The following MORC1 variants were observed in gnomAD, a reference collection of about 807,000 sequenced individuals.
The protein encoded by MORC1 is MORC family CW-type zinc finger protein 1.
In MORC1, 59 loss-of-function variants were observed where a neutral mutation model predicts 134.9. That is an observed-to-expected ratio of 0.44 (90% CI 0.35 to 0.54). MORC1 has a LOEUF of 0.54. Ranked by LOEUF, MORC1 falls within the 20% of genes least tolerant of loss-of-function variation. MORC1 has a pLI of 0.00. For missense variants in MORC1, 947 were observed against 1,134.5 expected, an observed-to-expected ratio of 0.83 and a Z score of 2.37; for synonymous variants, 395 against 391.7, an observed-to-expected ratio of 1.01 and a Z score of -0.10.
At chr3:109,091,435 C>G (rs1002452795) in intron 8 of MORC1, among the ~76,000 whole-genome samples, 2 of 106,306 alleles carry the variant, frequency 1.9e-5, no homozygotes, top group Non-Finnish European at 4.0e-5. Flanking sequence ...CAGGGTGAGA[C>G]TCCATCTAAA....
chr3:109,001,095 T>C (rs1391175981), intron 20 of MORC1, among the ~76,000 whole-genome samples: 4 of 152,168 alleles, frequency 2.6e-5, no homozygotes, highest in Non-Finnish European at 4.4e-5. Context: ...TTCTTAAAGA[T>C]ATAATGTCTT....
intron 14 of MORC1, among the ~76,000 whole-genome samples, chr3:109,047,748 T>C (rs559307884): frequency 1.4e-4 from 22 of 152,314 alleles, no homozygotes; most frequent in African/African-American, 5.3e-4. Flanking sequence ...AGCAATTCTT[T>C]AGCAGTATAG....
At chr3:109,114,304 C>A in intron 2 of MORC1, 80 bp downstream of exon 2, 1 of 1,248,446 alleles carries the variant, frequency 8.0e-7, no homozygotes, top group East Asian at 2.5e-5. Flanking sequence ...ATGACATGAT[C>A]TTTTTATCTT....
chr3:109,106,551 C>G (rs1267633298), intron 3 of MORC1, among the ~76,000 whole-genome samples: 1 of 152,164 alleles, frequency 6.6e-6, no homozygotes, highest in Admixed American at 6.5e-5. Flanking sequence ...CACCTCCTCC[C>G]ACGTTAGACT....
chr3:108,997,009 CAAAAAAAAAAAAA>C (rs36087713), intron 21 of MORC1, among the ~76,000 whole-genome samples: 1 of 31,560 alleles, frequency 3.2e-5, no homozygotes, highest in South Asian at 2.2e-3. Context: ...GACTCTGTCT[CAAAAAAAAAAAAA>C]AAAAAAAAAA....
intron 16 of MORC1, among the ~76,000 whole-genome samples, chr3:109,030,706 C>T (rs1949221957): frequency 1.3e-5 from 2 of 152,142 alleles, no homozygotes; most frequent in Non-Finnish European, 2.9e-5. Flanking sequence ...TTTATCTAGC[C>T]ACTCATCACA....
intron 2 of MORC1, among the ~76,000 whole-genome samples, chr3:109,111,732 T>C (rs1951172509): frequency 6.6e-6 from 1 of 152,176 alleles, no homozygotes; most frequent in Non-Finnish European, 1.5e-5. Flanking sequence ...ACAGCAACTA[T>C]GTAACTCTGG....
intron 6 of MORC1, among the ~76,000 whole-genome samples, chr3:109,097,218 A>T (rs1265698040): frequency 6.6e-6 from 1 of 152,246 alleles, no homozygotes; most frequent in Non-Finnish European, 1.5e-5. Context: ...TGGGTCACAT[A>T]TAAGATTAAG....
chr3:108,976,538 A>T (rs1011670629), intron 24 of MORC1, among the ~76,000 whole-genome samples: 1 of 152,218 alleles, frequency 6.6e-6, no homozygotes, highest in Non-Finnish European at 1.5e-5. Context: ...GAAAACAAGA[A>T]ATCTGTTTTC....
chr3:109,038,188 G>A lies in MORC1; in HGVS notation c.1331-2720C>T, dbSNP rs141551323. Among the ~76,000 whole-genome samples the A allele has an allele frequency of 3.0e-4, 45 of 152,252 alleles. No homozygotes were observed. In the East Asian group the frequency reaches 8.7e-3, roughly 29 times the overall value. On this transcript the variant is annotated intron_variant, in intron 14 of 27. Coordinates refer to ENST00000232603, the MANE Select transcript of MORC1 (RefSeq NM_014429.4). Reference sequence around the variant, plus strand: ...TGGTTCTGATTTGCATTTCTCTGATGAGCAGTGATGATGAGCATTTTTTCA... The same window carrying A: ...TGGTTCTGATTTGCATTTCTCTGATAAGCAGTGATGATGAGCATTTTTTCA...
At chr3:108,999,950 G>C (rs956816161) in intron 21 of MORC1, among the ~76,000 whole-genome samples, 9 of 152,046 alleles carry the variant, frequency 5.9e-5, no homozygotes, top group Admixed American at 2.6e-4. Context: ...TTCTTATATA[G>C]TCAGTCCTTG....
chr3:109,003,442 G>T lies in MORC1; in HGVS notation c.2085+1375C>A, dbSNP rs75590336. ...ACACACACACACACGCATGCATACTGAGTCCCTGTATTTAATGTCTAAAAT... is the reference window on the plus strand; with the variant it reads ...ACACACACACACACGCATGCATACTTAGTCCCTGTATTTAATGTCTAAAAT... On this transcript the variant is annotated intron_variant, in intron 20 of 27. Coordinates refer to ENST00000232603, the MANE Select transcript of MORC1 (RefSeq NM_014429.4). Among the ~76,000 whole-genome samples the T allele has an allele frequency of 6.8e-3, 991 of 146,208 alleles. 12 individuals are homozygous for T. Among genetic ancestry groups the T allele is most frequent in the African/African-American group, 0.023 (924 of 40,340 alleles).
At chr3:109,094,541 A>G (rs745339614) in intron 7 of MORC1, among the ~76,000 whole-genome samples, 8 of 152,202 alleles carry the variant, frequency 5.3e-5, no homozygotes, top group Non-Finnish European at 1.0e-4. Flanking sequence ...TCGTTATTTT[A>G]TAAGTTGCTA....
rs148111964 is a variant in MORC1, at chr3:109,002,473, G to A, written c.2086-1815C>T. On this transcript the variant is annotated intron_variant, in intron 20 of 27. Coordinates refer to ENST00000232603, the MANE Select transcript of MORC1 (RefSeq NM_014429.4). ...GGAAGACAGATATAGCAGTGGGGTTGACCAAGGTTTCATGTGACACACGCA... is the reference window on the plus strand; with the variant it reads ...GGAAGACAGATATAGCAGTGGGGTTAACCAAGGTTTCATGTGACACACGCA... 2.0e-4 allele frequency among the ~76,000 whole-genome samples: 30 copies of A among 152,292 alleles called. No individual in the cohort carries two copies. The East Asian group carries it at 5.6e-3, about 28-fold the overall frequency.
rs1230795583 is a variant in MORC1 at position 109,000,673 on chromosome 3, T to A, written c.2086-15A>T. The A allele has an allele frequency of 2.5e-6, 4 of 1,586,868 alleles. No homozygotes were observed. The highest frequency in any genetic ancestry group is 1.7e-4 in the Middle Eastern group (1 of 5,948). The stretch of plus-strand genomic sequence containing the variant: ...CAAGAAGCGGCCTATAACAAGGAAT[T>A]AACAAAAAAAATACAAGGATTAGTG... On this transcript the variant is annotated splice_polypyrimidine_tract_variant and intron_variant, in intron 20 of 27. Transcript: ENST00000232603.
intron 21 of MORC1, among the ~76,000 whole-genome samples, chr3:108,991,287 G>A (rs78096480): frequency 0.012 from 1,830 of 152,330 alleles, 33 homozygotes; most frequent in African/African-American, 0.04. Context: ...GAGTACCGCT[G>A]TAGTCCAGGT....
chr3:109,007,489 T>C (rs528061222), intron 17 of MORC1, among the ~76,000 whole-genome samples: 2 of 152,296 alleles, frequency 1.3e-5, no homozygotes, highest in Admixed American at 6.5e-5. Context: ...GCTCTAGGTG[T>C]CAGCTTCAAT....
intron 26 of MORC1, among the ~76,000 whole-genome samples, chr3:108,965,337 A>T (rs1947190006): frequency 6.6e-6 from 1 of 152,250 alleles, no homozygotes; most frequent in African/African-American, 2.4e-5. Context: ...ATCAAAAGGA[A>T]CCTGCTATTG....
At chr3:109,107,324 T>G (rs1377781976) in intron 3 of MORC1, among the ~76,000 whole-genome samples, 1 of 152,200 alleles carries the variant, frequency 6.6e-6, no homozygotes, top group East Asian at 1.9e-4. Flanking sequence ...CAATGGTTCC[T>G]ACACTTTTTT....
Sources: allele counts gnomAD v4.1 joint callset (sites outside exome capture counted in the v4.1 genomes callset), GRCh38; gene constraint gnomAD v4.1.1; transcripts MANE v1.5; gene names NCBI Gene and HGNC (gene_info 2026-07-23, HGNC 2026-07-21).